Variants in KIF3C observed in about 807,000 individuals in gnomAD.
The protein encoded by KIF3C is kinesin family member 3C.
KIF3C carries 12 observed loss-of-function variants against 67.7 expected under a neutral mutation model. The ratio of observed to expected loss-of-function variants is 0.18; its 90% CI spans 0.11 to 0.29. KIF3C has a LOEUF of 0.29. Ranked by LOEUF, KIF3C falls within the 10% of genes least tolerant of loss-of-function variation. The pLI is 1.00. For missense variants in KIF3C, 789 were observed against 1,059.6 expected, an observed-to-expected ratio of 0.74 and a Z score of 3.55; for synonymous variants, 393 against 426.2, an observed-to-expected ratio of 0.92 and a Z score of 0.96.
At chr2:25,957,186 C>A (rs34803351) in intron 1 of KIF3C, among the ~76,000 whole-genome samples, 17,470 of 152,150 alleles carry the variant, frequency 0.11, 1,317 homozygotes, top group African/African-American at 0.2. Flanking sequence ...TCCATCCCCC[C>A]CTAAGAGGGA....
At chr2:25,934,016 A>C (rs895755947) in intron 5 of KIF3C, 2 of 377,094 alleles carry the variant, frequency 5.3e-6, no homozygotes, top group African/African-American at 4.3e-5. Context: ...ATATTCATAG[A>C]GTGGAATATT....
chr2:25,932,077 C>T (rs996239001), intron 5 of KIF3C, among the ~76,000 whole-genome samples: 2 of 149,896 alleles, frequency 1.3e-5, no homozygotes, highest in Non-Finnish European at 1.5e-5. Flanking sequence ...CCTCGGCTCA[C>T]TGCAACTTCC....
chr2:25,959,505 T>G (rs1294351934), intron 1 of KIF3C, among the ~76,000 whole-genome samples: 1 of 152,038 alleles, frequency 6.6e-6, no homozygotes, highest in Non-Finnish European at 1.5e-5. Flanking sequence ...AGTGGCGCGA[T>G]CTTGGCTCAC....
At chr2:25,953,673 T>TTG (rs1491212614) in intron 4 of KIF3C, among the ~76,000 whole-genome samples, 13 of 85,428 alleles carry the variant, frequency 1.5e-4, no homozygotes, top group African/African-American at 7.7e-4. Context: ...TTTGTTTTTG[T>TTG]TTTTTTTTTT....
rs530819381 is a variant in KIF3C at position 25,978,493 on chromosome 2, GT to G, written c.1545+1879del. On this transcript the variant is annotated intron_variant, in intron 1 of 7. Transcript: ENST00000264712. ...TGGCCCTGGGCAAGTCCAGGTCTCA[GT>G]TTTCCAAAGCTCCTGCCAACTCTAA... Among the ~76,000 whole-genome samples, 13 of 152,254 alleles carry G rather than the reference GT, an allele frequency of 8.5e-5. No homozygotes were observed. In the East Asian group the frequency reaches 2.5e-3, roughly 29 times the overall value.
intron 1 of KIF3C, among the ~76,000 whole-genome samples, chr2:25,978,577 T>C (rs956499729): frequency 3.9e-5 from 6 of 152,144 alleles, no homozygotes; most frequent in East Asian, 3.9e-4. Context: ...CTGGCCGCCC[T>C]GATCTCTTGG....
At chr2:25,951,765 C>T (rs1190903961) in intron 5 of KIF3C, 24 bp downstream of exon 5, 1 of 1,541,388 alleles carries the variant, frequency 6.5e-7, no homozygotes, top group Non-Finnish European at 9.0e-7. Context: ...TCCCCCAGCC[C>T]AGACAGCTGG....
At chr2:25,950,362 C>T (rs921494118) in intron 5 of KIF3C, among the ~76,000 whole-genome samples, 4 of 151,554 alleles carry the variant, frequency 2.6e-5, no homozygotes, top group Non-Finnish European at 4.4e-5. Context: ...GGATTACAGG[C>T]GCCTGCCACC....
chr2:25,929,621 T>C, intron 6 of KIF3C, 144 bp from the exon 7 acceptor site: 1 of 647,232 alleles, frequency 1.5e-6, no homozygotes, highest in Non-Finnish European at 2.6e-6. Flanking sequence ...AGGCTCTTTT[T>C]TTTTTTTCTT....
chr2:25,939,719 G>A (rs904562345), intron 5 of KIF3C, among the ~76,000 whole-genome samples: 3 of 151,982 alleles, frequency 2.0e-5, no homozygotes, highest in Admixed American at 6.6e-5. Context: ...TTGGGAGGCC[G>A]AGGCAGATGG....
Position 25,936,241 on chromosome 2 carries a change from A to G in KIF3C, c.2007-6178T>C, listed in dbSNP as rs546784507. ...TTTTTTGTAGAGATGGGGTCTCGCTATGTTGTCCAGGCTGGTCTCAAACTC... is the reference window on the plus strand; with the variant it reads ...TTTTTTGTAGAGATGGGGTCTCGCTGTGTTGTCCAGGCTGGTCTCAAACTC... On this transcript the variant is annotated intron_variant, in intron 5 of 7. Transcript: ENST00000264712. Among the ~76,000 whole-genome samples the G allele has an allele frequency of 2.7e-4, 41 of 152,260 alleles. No individual in the cohort carries two copies. In the East Asian group the frequency reaches 5.6e-3, roughly 21 times the overall value.
Position 25,955,674 on chromosome 2 carries a change from G to A in KIF3C, c.1648-11C>T. ...CCGCTCACGACGTTTCTAGGCCAAG[G>A]ACGGGCAGTGTGGCTCAAAGGAGCA... On this transcript the variant is annotated splice_polypyrimidine_tract_variant and intron_variant, in intron 2 of 7. Coordinates refer to ENST00000264712, the MANE Select transcript of KIF3C (RefSeq NM_002254.8). This position sits in a 1 kb window ranked among gnomAD's most constrained non-coding sequence, Gnocchi z 5.0. 1 of 1,613,966 alleles carries A rather than the reference G, an allele frequency of 6.2e-7. No homozygotes were observed. Among genetic ancestry groups the A allele is most frequent in the Non-Finnish European group, 8.5e-7 (1 of 1,179,904 alleles).
At chr2:25,931,934 GT>G (rs34040664) in intron 5 of KIF3C, among the ~76,000 whole-genome samples, 82,233 of 130,024 alleles carry the variant, frequency 0.63, 26,207 homozygotes, top group Non-Finnish European at 0.73. Context: ...GCACCTGGCT[GT>G]TTTTTTTTTT....
chr2:25,931,363 CAGG>C (rs1214271659), intron 5 of KIF3C, among the ~76,000 whole-genome samples: 1 of 150,774 alleles, frequency 6.6e-6, no homozygotes, highest in Non-Finnish European at 1.5e-5. Context: ...GAGAGTGAGG[CAGG>C]AGAATTGCTT....
At chr2:25,929,861 C>T in intron 6 of KIF3C, 94 bp downstream of exon 6, 1 of 850,554 alleles carries the variant, frequency 1.2e-6, no homozygotes, top group Non-Finnish European at 2.0e-6. Context: ...GGTGATCCAC[C>T]TGCCTCGGCC....
intron 5 of KIF3C, among the ~76,000 whole-genome samples, chr2:25,939,026 CT>C (rs1183723937): frequency 6.6e-6 from 1 of 152,070 alleles, no homozygotes; most frequent in Admixed American, 6.6e-5. Flanking sequence ...CCCTTCCTCA[CT>C]CTGTCACCCA....
intron 1 of KIF3C, among the ~76,000 whole-genome samples, chr2:25,963,994 C>T (rs1041127953): frequency 3.3e-5 from 5 of 152,036 alleles, no homozygotes; most frequent in Admixed American, 2.6e-4. Context: ...CCTGGCTCCG[C>T]ATGAAGTATT....
At chr2:25,953,672 G>GTTTTT (rs70950142) in intron 4 of KIF3C, among the ~76,000 whole-genome samples, 2 of 99,602 alleles carry the variant, frequency 2.0e-5, no homozygotes, top group African/African-American at 3.6e-5. Flanking sequence ...TTTTGTTTTT[G>GTTTTT]TTTTTTTTTT....
intron 6 of KIF3C, 27 bp from the exon 7 acceptor site, chr2:25,929,504 T>C (rs1244808865): frequency 6.2e-6 from 10 of 1,606,226 alleles, no homozygotes. Flanking sequence ...ATGCCAGGCT[T>C]GAACAGTGCC....
Sources: allele counts gnomAD v4.1 joint callset (sites outside exome capture counted in the v4.1 genomes callset), GRCh38; gene constraint gnomAD v4.1.1; non-coding constraint Gnocchi (gnomAD v3.1); transcripts MANE v1.5; gene names NCBI Gene and HGNC (gene_info 2026-07-23, HGNC 2026-07-21).